The following PEX19 variants were observed in gnomAD, a reference collection of about 807,000 sequenced individuals.
PEX19 encodes the protein peroxisomal biogenesis factor 19, also known as 33 kDa housekeeping protein.
In PEX19, 29 loss-of-function variants were observed where a neutral mutation model predicts 36.3. That is an observed-to-expected ratio of 0.80 (90% confidence interval 0.60 to 1.09). The LOEUF is 1.09. Ranked by LOEUF, PEX19 falls within the 50% of genes least tolerant of loss-of-function variation. PEX19 has a pLI of 0.00. For synonymous variants in PEX19, 141 were observed against 135.2 expected (o/e 1.04, Z -0.30); for missense variants, 396 against 368.1 (o/e 1.08, Z -0.62).
rs1395008539 is a variant in PEX19, at chr1:160,277,040, T to C, written c.*2511A>G. The C allele has an allele frequency of 2.2e-6, 1 of 454,118 alleles. No homozygotes were observed. Among genetic ancestry groups the C allele is most frequent in the Non-Finnish European group, 4.4e-6 (1 of 226,796 alleles). 28.1% of individuals were successfully genotyped at this position (454,118 alleles called of 1,614,324 possible). On this transcript the variant is annotated 3_prime_UTR_variant, in exon 8 of 8. Coordinates refer to ENST00000368072, the MANE Select transcript of PEX19 (RefSeq NM_002857.4). ...TAGAGATGTCCTTACTAGTGACACA[T>C]TCTTGCTGAAGAACAAGTTCTCTGG... is the stretch of plus-strand genomic sequence containing the variant.
At chr1:160,280,838 G>GT (rs1308372864) in intron 5 of PEX19, among the ~76,000 whole-genome samples, 2 of 152,082 alleles carry the variant, frequency 1.3e-5, no homozygotes, top group Non-Finnish European at 2.9e-5. Context: ...TTTCTTTGTA[G>GT]TTTTTTTCAA....
In PEX19 at chr1:160,278,394, C is replaced by T; in HGVS notation, c.*1157G>A. On this transcript the variant is annotated 3_prime_UTR_variant, in exon 8 of 8. Transcript: ENST00000368072. ...GAAGGTGGGTGTTGATGGAACCCAG[C>T]ATTACAATATTGTGTAGAACTAGTC... 1 of 664,432 alleles carries T rather than the reference C, an allele frequency of 1.5e-6. No homozygotes were observed. The highest frequency in any genetic ancestry group is 1.5e-5 in the South Asian group (1 of 66,360). 41.2% of individuals were successfully genotyped at this position (664,432 alleles called of 1,614,324 possible).
chr1:160,277,968 T>C lies in PEX19; in HGVS notation c.*1583A>G, dbSNP rs902789525. 1.4e-6 allele frequency: 1 copy of C among 695,774 alleles called. No individual in the cohort carries two copies. Among genetic ancestry groups the C allele is most frequent in the Non-Finnish European group, 2.6e-6 (1 of 381,736 alleles). 43.1% of individuals were successfully genotyped at this position (695,774 alleles called of 1,614,324 possible). ...TTGAGAACATTTCCTTCCTCACCAA[T>C]ACCATAAAACATGTAAGGTCTTCAA... On this transcript the variant is annotated 3_prime_UTR_variant, in exon 8 of 8. Coordinates refer to ENST00000368072, the MANE Select transcript of PEX19 (RefSeq NM_002857.4).
chr1:160,284,523 G>A (rs746892645), intron 1 of PEX19, among the ~76,000 whole-genome samples: 2 of 152,152 alleles, frequency 1.3e-5, no homozygotes, highest in Non-Finnish European at 2.9e-5. Flanking sequence ...CAAAATAAGG[G>A]AAAGGAGTCC....
intron 5 of PEX19, among the ~76,000 whole-genome samples, chr1:160,280,582 T>TCA (rs1557853863): frequency 6.6e-6 from 1 of 151,956 alleles, no homozygotes. Flanking sequence ...GATGGTGTGA[T>TCA]CACCACTCAC....
At chr1:160,279,666 G>A in intron 7 of PEX19, 32 bp from the exon 8 acceptor site, 3 of 1,590,428 alleles carry the variant, frequency 1.9e-6, no homozygotes, top group Non-Finnish European at 2.6e-6. Context: ...TCAGATAGTT[G>A]CTCATTTTTT....
rs1180985354 is a variant in PEX19, at chr1:160,279,801, C to T, written c.816G>A (p.Met272Ile). 1.9e-6 allele frequency: 3 copies of T among 1,612,224 alleles called. No individual in the cohort carries two copies. The highest frequency in any genetic ancestry group is 2.2e-5 in the East Asian group (1 of 44,892). ...ATCTGGAAAAATAAGACATACTCAC[C>T]ATCTCTCCAGCCAGCTCTTTTGGAG... Reference protein sequence around the residue: ...GHPPKELAGEMPPGLNFDLDA... With the variant: ...GHPPKELAGEIPPGLNFDLDA... Residue 272 changes from methionine (M) to isoleucine (I), a missense_variant and splice_region_variant, in exon 7 of 8, where the codon ATG (methionine) becomes ATA (isoleucine). Coordinates refer to ENST00000368072, the MANE Select transcript of PEX19 (RefSeq NM_002857.4).
chr1:160,281,589 A>G (rs1364056481), intron 5 of PEX19, among the ~76,000 whole-genome samples: 2 of 152,162 alleles, frequency 1.3e-5, no homozygotes, highest in African/African-American at 4.8e-5. Flanking sequence ...TATTTTTACT[A>G]CAGACGGGGT....
chr1:160,283,594 G>A lies in PEX19; in HGVS notation c.116C>T (p.Pro39Leu), dbSNP rs1571139615. The A allele has an allele frequency of 1.2e-6, 2 of 1,614,140 alleles. No homozygotes were observed. Among genetic ancestry groups the A allele is most frequent in the Non-Finnish European group, 8.5e-7 (1 of 1,179,994 alleles). ...AGCATCAGGGGCCGTGGTGGTAGAA[G>A]GGGGTGCTGGGGAGGGTTTGGCTTT... Reference protein sequence around the residue: ...FDKAKPSPAPPSTTTAPDASG... With the variant: ...FDKAKPSPAPLSTTTAPDASG... Residue 39 changes from proline to leucine, a missense_variant, in exon 2 of 8, where the codon CCT becomes CTT. Transcript: ENST00000368072.
At chr1:160,280,295 T>C in intron 5 of PEX19, 49 bp from the exon 6 acceptor site, 10 of 1,483,996 alleles carry the variant, frequency 6.7e-6, no homozygotes, top group Non-Finnish European at 9.4e-6. Flanking sequence ...ACAATGGATA[T>C]GGATGGGTAA....
rs1229690474 is a variant in PEX19, at chr1:160,283,458, G to T, written c.180+72C>A. On this transcript the variant is annotated intron_variant, in intron 2 of 7. Coordinates refer to ENST00000368072, the MANE Select transcript of PEX19 (RefSeq NM_002857.4). ...TCCCACATTCCCCTCTGGCCCATAG[G>T]GGCCTGCCCAACCTCTGCTCAGGGC... The T allele has an allele frequency of 2.3e-5, 26 of 1,115,082 alleles. No individual in the cohort carries two copies. In the East Asian group the frequency reaches 5.9e-4, roughly 25 times the overall value. The allele number at this position is 1,115,082 out of a possible 1,614,324, so 69.1% of individuals were successfully genotyped here.
intron 5 of PEX19, 66 bp from the exon 6 acceptor site, chr1:160,280,312 C>A (rs1163809708): frequency 1.1e-5 from 16 of 1,394,122 alleles, no homozygotes; most frequent in Non-Finnish European, 1.6e-5. Context: ...GTAATCAGAA[C>A]AATGTGATTA....
chr1:160,283,330 A>G (rs1405588378), intron 2 of PEX19, among the ~76,000 whole-genome samples, 200 bp downstream of exon 2: 2 of 152,068 alleles, frequency 1.3e-5, no homozygotes, highest in East Asian at 3.9e-4. Context: ...TAAACCTACT[A>G]TTTTTTCAAG....
At position 160,279,555 on chromosome 1, in the gene PEX19, A is replaced by G. The variant is rs2101798984; in HGVS notation, c.896T>C (p.Met299Thr). 3.1e-6 allele frequency: 5 copies of G among 1,613,220 alleles called. No individual in the cohort carries two copies. The highest frequency in any genetic ancestry group is 3.4e-6 in the Non-Finnish European group (4 of 1,179,142). ...PGASGEQCLI[M>T] ...GAGAGGAAAACGTGTTGTGTTTCAC[A>G]TGATCAGACACTGTTCACCACTGGC... The change falls in exon 8 of 8, where the codon ATG (methionine) becomes ACG (threonine). Residue 299 changes from methionine to threonine, a missense_variant. Physicochemically the swap from Met to Thr is moderately conservative, Grantham distance 81. Transcript: ENST00000368072.
At chr1:160,283,180 C>T in intron 2 of PEX19, 71 bp from the exon 3 acceptor site, 1 of 1,536,056 alleles carries the variant, frequency 6.5e-7, no homozygotes, top group Non-Finnish European at 9.0e-7. Context: ...TGATAGAAGC[C>T]ACAGGCAGTG....
rs751870276 is a variant in PEX19, at chr1:160,283,514, G to T, written c.180+16C>A. Reference sequence around the variant, plus strand: ...GCCCATCCCCTCCCCATCCCTTAAGGGGGTGGAATTTATACTTTGGCAGTG... The same window carrying T: ...GCCCATCCCCTCCCCATCCCTTAAGTGGGTGGAATTTATACTTTGGCAGTG... On this transcript the variant is annotated intron_variant, in intron 2 of 7. Coordinates refer to ENST00000368072, the MANE Select transcript of PEX19 (RefSeq NM_002857.4). 6.4e-7 allele frequency: 1 copy of T among 1,571,720 alleles called. No homozygotes were observed. The highest frequency in any genetic ancestry group is 8.8e-7 in the Non-Finnish European group (1 of 1,141,674).
At position 160,277,861 on chromosome 1, in the gene PEX19, A is replaced by G; in HGVS notation, c.*1690T>C. On this transcript the variant is annotated 3_prime_UTR_variant, in exon 8 of 8. Transcript: ENST00000368072. ...GTATTTTTTCCATCTCTGGCAGAAC[A>G]GAGACGTTTTACATTCAGATCTGGG... 1.6e-6 allele frequency: 1 copy of G among 636,296 alleles called. No homozygotes were observed. The highest frequency in any genetic ancestry group is 1.5e-5 in the South Asian group (1 of 66,148). 39.4% of individuals were successfully genotyped at this position (636,296 alleles called of 1,614,324 possible). A position where few individuals can be genotyped will look rare whatever the true frequency, so the allele number is the denominator to read the frequency against.
At position 160,278,281 on chromosome 1, in the gene PEX19, G is replaced by A. The variant is rs1657621218; in HGVS notation, c.*1270C>T. 1.4e-6 allele frequency: 1 copy of A among 697,698 alleles called. No homozygotes were observed. The highest frequency in any genetic ancestry group is 1.8e-5 in the African/African-American group (1 of 57,068). 43.2% of individuals were successfully genotyped at this position (697,698 alleles called of 1,614,324 possible). On this transcript the variant is annotated 3_prime_UTR_variant, in exon 8 of 8. Coordinates refer to ENST00000368072, the MANE Select transcript of PEX19 (RefSeq NM_002857.4). ...AGGTTAAAATATAATACCACTTGAA[G>A]GGCTTTCTACATTGAAATACTCAAG...
In PEX19 at chr1:160,282,495, A is replaced by G. The variant is rs759656591; in HGVS notation, c.354T>C (p.Asp118=). ...LSEAAGRVGS[D]MTSQQEFTSC... is the part of the protein sequence containing the mutation. ...AAGTGAATTCTTGTTGGGAGGTCATATCACTGCCTAGGAGAGATTAAAAAA... is the reference window on the plus strand; with the variant it reads ...AAGTGAATTCTTGTTGGGAGGTCATGTCACTGCCTAGGAGAGATTAAAAAA... The change falls in exon 4 of 8, where the codon GAT becomes GAC. Residue 118 remains aspartate, a synonymous_variant. Transcript: ENST00000368072. 1 of 1,613,418 alleles carries G rather than the reference A, an allele frequency of 6.2e-7. No individual in the cohort carries two copies. Among genetic ancestry groups the G allele is most frequent in the Non-Finnish European group, 8.5e-7 (1 of 1,179,336 alleles).
Sources: allele counts gnomAD v4.1 joint callset (sites outside exome capture counted in the v4.1 genomes callset), GRCh38; gene constraint gnomAD v4.1.1; transcripts MANE v1.5; gene names NCBI Gene and HGNC (gene_info 2026-07-23, HGNC 2026-07-21).